The following AUTS2 variants were observed in gnomAD, a reference collection of about 807,000 sequenced individuals.
AUTS2 encodes the protein activator of transcription and developmental regulator AUTS2, also known as autism susceptibility gene 2 protein.
In AUTS2, 17 loss-of-function variants were observed where a neutral mutation model predicts 112.4. The observed-to-expected ratio is 0.15, with a 90% CI of 0.10 to 0.23. The LOEUF is 0.23. Among genes scored for constraint, AUTS2 ranks in the 10% least tolerant of loss-of-function variants. AUTS2 has a pLI of 1.00. For synonymous variants in AUTS2, 751 were observed against 702.7 expected (o/e 1.07, Z -1.09); for missense variants, 1,510 against 1,701.6 (o/e 0.89, Z 1.98).
At chr7:70,751,708 TG>T (rs1480444982) in intron 6 of AUTS2, among the ~76,000 whole-genome samples, 1 of 152,018 alleles carries the variant, frequency 6.6e-6, no homozygotes, top group East Asian at 1.9e-4. Flanking sequence ...AGAAGTACCG[TG>T]TTTAAGTATT....
intron 2 of AUTS2, among the ~76,000 whole-genome samples, chr7:69,900,158 C>T (rs1188566493): frequency 2.6e-5 from 4 of 152,176 alleles, no homozygotes; most frequent in African/African-American, 9.7e-5. Context: ...AGCCTTTCTG[C>T]CTGTGGAAAT....
chr7:69,803,519 C>T (rs1790174254), intron 1 of AUTS2, among the ~76,000 whole-genome samples: 2 of 42,462 alleles, frequency 4.7e-5, no homozygotes, highest in African/African-American at 2.1e-4. Context: ...CAAATGTTAC[C>T]ATCTTTGGAA....
intron 1 of AUTS2, among the ~76,000 whole-genome samples, chr7:69,794,126 T>A (rs1789738160): frequency 6.6e-6 from 1 of 152,170 alleles, no homozygotes; most frequent in East Asian, 1.9e-4. Flanking sequence ...CATATTAGGA[T>A]GGAGAATTGA....
chr7:70,237,625 A>G (rs1812395812), intron 4 of AUTS2, among the ~76,000 whole-genome samples: 1 of 152,222 alleles, frequency 6.6e-6, no homozygotes, highest in African/African-American at 2.4e-5. Flanking sequence ...ATAATGCATG[A>G]CAATTCAATT....
At chr7:69,764,640 A>T (rs1190689131) in intron 1 of AUTS2, among the ~76,000 whole-genome samples, 1 of 152,090 alleles carries the variant, frequency 6.6e-6, no homozygotes, top group Admixed American at 6.5e-5. Context: ...GATAAAGGAG[A>T]TCTGTGTTTT....
chr7:70,061,507 A>C (rs935125312), intron 2 of AUTS2, among the ~76,000 whole-genome samples: 21 of 152,252 alleles, frequency 1.4e-4, no homozygotes, highest in Non-Finnish European at 2.6e-4. Context: ...CATGACCACA[A>C]TAAATAAAGC....
At chr7:70,674,813 AATGG>A (rs1317151644) in intron 5 of AUTS2, among the ~76,000 whole-genome samples, 1 of 152,220 alleles carries the variant, frequency 6.6e-6, no homozygotes, top group African/African-American at 2.4e-5. Flanking sequence ...AAGAATCCAC[AATGG>A]ATTTCAGTGA....
At chr7:70,647,462 A>G (rs947358824) in intron 5 of AUTS2, among the ~76,000 whole-genome samples, 1 of 152,194 alleles carries the variant, frequency 6.6e-6, no homozygotes, top group Non-Finnish European at 1.5e-5. Context: ...TTGCTTTGAA[A>G]CACAATATAA....
chr7:70,604,424 C>T (rs1010245364), intron 5 of AUTS2, among the ~76,000 whole-genome samples: 9 of 152,228 alleles, frequency 5.9e-5, no homozygotes, highest in African/African-American at 2.2e-4. Context: ...TTCACCCTTG[C>T]TCTGCAGCAA....
At chr7:70,022,218 C>T (rs62458794) in intron 2 of AUTS2, among the ~76,000 whole-genome samples, 1 of 151,376 alleles carries the variant, frequency 6.6e-6, no homozygotes, top group Non-Finnish European at 1.5e-5. Context: ...GCCCCAAATC[C>T]AATACTGGTG....
chr7:70,460,315 A>AAC (rs989674414), intron 5 of AUTS2, among the ~76,000 whole-genome samples: 59 of 144,116 alleles, frequency 4.1e-4, no homozygotes, highest in Non-Finnish European at 4.7e-4. Flanking sequence ...GGAGGCAGCC[A>AAC]ACCTCAGCAA....
chr7:70,313,445 G>A (rs944347680), intron 4 of AUTS2, among the ~76,000 whole-genome samples: 1 of 152,154 alleles, frequency 6.6e-6, no homozygotes, highest in Admixed American at 6.5e-5. Flanking sequence ...GATCCCAAGC[G>A]GAACCCTGTT....
chr7:70,363,465 G>GAAAAAAAAAAAAAAA (rs369462886), intron 4 of AUTS2, among the ~76,000 whole-genome samples: 5 of 110,774 alleles, frequency 4.5e-5, no homozygotes, highest in South Asian at 2.5e-4. Flanking sequence ...ATAAAAAAAA[G>GAAAAAAAAAAAAAAA]AAAAAAAAAA....
chr7:69,808,335 T>C (rs1256395320), intron 1 of AUTS2, among the ~76,000 whole-genome samples: 4 of 152,242 alleles, frequency 2.6e-5, no homozygotes, highest in Non-Finnish European at 5.9e-5. Flanking sequence ...ATAGTAATTT[T>C]CATTTTTAAG....
intron 5 of AUTS2, among the ~76,000 whole-genome samples, chr7:70,695,547 C>G (rs1020153525): frequency 1.3e-5 from 2 of 152,154 alleles, no homozygotes; most frequent in Non-Finnish European, 2.9e-5. Flanking sequence ...TTTTGTTGTT[C>G]GAAAGCCCCC....
intron 2 of AUTS2, among the ~76,000 whole-genome samples, chr7:70,106,194 G>A (rs989739316): frequency 3.9e-5 from 6 of 152,198 alleles, no homozygotes; most frequent in African/African-American, 1.4e-4. Flanking sequence ...TGAAAGTGAA[G>A]TTTGTTGTAA....
At chr7:70,417,215 T>G (rs2130593824) in intron 4 of AUTS2, among the ~76,000 whole-genome samples, 1 of 152,292 alleles carries the variant, frequency 6.6e-6, no homozygotes, top group East Asian at 1.9e-4. Flanking sequence ...ATACATGCTG[T>G]GACAGGCAGG....
chr7:70,304,934 G>T (rs896542960), intron 4 of AUTS2, among the ~76,000 whole-genome samples: 5 of 151,928 alleles, frequency 3.3e-5, no homozygotes, highest in African/African-American at 1.2e-4. Flanking sequence ...AAAATTTCAA[G>T]AAAAACATTT....
At chr7:70,520,544 C>A (rs966597820) in intron 5 of AUTS2, among the ~76,000 whole-genome samples, 14 of 152,214 alleles carry the variant, frequency 9.2e-5, no homozygotes, top group African/African-American at 3.1e-4. Context: ...GCATCATGAT[C>A]ACGCCTTAGA....
Sources: allele counts gnomAD v4.1 joint callset (sites outside exome capture counted in the v4.1 genomes callset), GRCh38; gene constraint gnomAD v4.1.1; transcripts MANE v1.5; gene names NCBI Gene and HGNC (gene_info 2026-07-23, HGNC 2026-07-21).